CDKL5: variants seen among roughly 807,000 people sequenced by gnomAD.
The protein encoded by CDKL5 is cyclin dependent kinase like 5, also known as cyclin-dependent kinase-like 5.
CDKL5 carries 8 observed loss-of-function variants against 61.7 expected under a neutral mutation model. That is an observed-to-expected ratio of 0.13 (90% confidence interval 0.08 to 0.23). The LOEUF (loss-of-function observed/expected upper bound fraction) is 0.23, where lower values mean the gene tolerates loss of function less well. Ranked by LOEUF, CDKL5 falls within the 10% of genes least tolerant of loss-of-function variation. CDKL5 has a pLI of 1.00. For synonymous variants in CDKL5, 275 were observed against 272.3 expected (o/e 1.01, Z -0.10); for missense variants, 440 against 734.5 (o/e 0.60, Z 4.63).
chrX:18,651,647 G>C (rs3788810), intron 21 of CDKL5, among the ~76,000 whole-genome samples: 1 of 111,305 alleles, frequency 9.0e-6, no homozygotes. Flanking sequence ...GCAAGCTCGT[G>C]GGGGGTTCAT....
At chrX:18,465,103 G>GT (rs1476895790) in intron 1 of CDKL5, among the ~76,000 whole-genome samples, 1 of 111,230 alleles carries the variant, frequency 9.0e-6, no homozygotes, top group Non-Finnish European at 1.9e-5. Context: ...TTTATGTATG[G>GT]TGTAAGTTGG....
At chrX:18,574,474 G>A (rs1489092917) in intron 4 of CDKL5, among the ~76,000 whole-genome samples, 2 of 111,231 alleles carry the variant, frequency 1.8e-5, no homozygotes, top group African/African-American at 3.3e-5. Flanking sequence ...TGGTAGTTAG[G>A]ATTTCCCGGG....
At chrX:18,641,906 G>T, downstream of CDKL5, 6 of 982,281 alleles carry the variant, frequency 6.1e-6, no homozygotes, top group Non-Finnish European at 8.6e-6. Flanking sequence ...ATTGCTTTGC[G>T]AAATATAGCC....
chrX:18,612,653 TAA>T (rs745865761), intron 14 of CDKL5, among the ~76,000 whole-genome samples: 9 of 91,680 alleles, frequency 9.8e-5, no homozygotes, highest in Admixed American at 1.2e-4. Flanking sequence ...GTCTCTTATT[TAA>T]AAAAAAAAAA....
In CDKL5 at chrX:18,604,218, A is replaced by G. The variant is rs1166724689; in HGVS notation, c.1294A>G (p.Lys432Glu). 8.3e-7 allele frequency: 1 copy of G among 1,211,750 alleles called. No individual in the cohort carries two copies. The highest frequency in any genetic ancestry group is 1.1e-6 in the Non-Finnish European group (1 of 895,312). The change falls in exon 12 of 18, where the codon AAG (lysine) becomes GAG (glutamate). Residue 432 changes from lysine to glutamate, a missense_variant. Physicochemically the swap from Lys to Glu is moderately conservative, Grantham distance 56 (BLOSUM62 1). Transcript: ENST00000623535. ...DPKPSEGPGT[K>E]YLKSNSRSQQ... ...AAAGCCTTCAGAAGGCCCAGGGACAAAGTACCTCAAGTCAAACAGCAGATC... is the reference window on the plus strand; with the variant it reads ...AAAGCCTTCAGAAGGCCCAGGGACAGAGTACCTCAAGTCAAACAGCAGATC...
intron 12 of CDKL5, 64 bp from the exon 13 acceptor site, chrX:18,608,747 C>A: frequency 1.4e-6 from 1 of 724,594 alleles, no homozygotes; most frequent in Non-Finnish European, 2.2e-6. Context: ...CAAATAAAGG[C>A]CATGATGAGT....
intron 1 of CDKL5, among the ~76,000 whole-genome samples, chrX:18,501,644 G>A (rs920693636): frequency 9.0e-6 from 1 of 111,313 alleles, no homozygotes; most frequent in African/African-American, 3.3e-5. Context: ...TGCCTTCCGG[G>A]TTCAAGCAAT....
chrX:18,478,772 G>A (rs1270630983), intron 1 of CDKL5, among the ~76,000 whole-genome samples: 4 of 105,182 alleles, frequency 3.8e-5, no homozygotes, highest in Non-Finnish European at 7.8e-5. Context: ...GTGCAGTGGT[G>A]TCATCTTGGC....
chrX:18,600,180 T>A (rs1029789033), intron 11 of CDKL5, among the ~76,000 whole-genome samples: 24 of 112,283 alleles, frequency 2.1e-4, no homozygotes, highest in African/African-American at 7.8e-4. Flanking sequence ...CATAAACTGA[T>A]GATGACCATT....
intron 1 of CDKL5, among the ~76,000 whole-genome samples, chrX:18,473,772 C>T (rs973407178): frequency 9.5e-6 from 1 of 105,250 alleles, no homozygotes; most frequent in African/African-American, 3.5e-5. Flanking sequence ...AGTGCAGTGG[C>T]GCCGATTTCG....
At chrX:18,650,995 G>A (rs778903243) in intron 21 of CDKL5, among the ~76,000 whole-genome samples, 2 of 111,891 alleles carry the variant, frequency 1.8e-5, no homozygotes, top group South Asian at 7.6e-4. Flanking sequence ...CATTGGTGGA[G>A]GTGAATTTGT....
intron 20 of CDKL5, among the ~76,000 whole-genome samples, chrX:18,649,411 T>A (rs1311340801): frequency 9.0e-6 from 1 of 111,324 alleles, no homozygotes; most frequent in Non-Finnish European, 1.9e-5. Context: ...CATAGTATTT[T>A]CTCCAGAATT....
intron 15 of CDKL5, among the ~76,000 whole-genome samples, chrX:18,619,456 C>T (rs1202553768): frequency 9.0e-6 from 1 of 111,398 alleles, no homozygotes; most frequent in Non-Finnish European, 1.9e-5. Flanking sequence ...TAATAATAAA[C>T]TTGTCGAGCT....
intron 9 of CDKL5, among the ~76,000 whole-genome samples, chrX:18,594,042 A>G (rs1027369588): frequency 8.0e-5 from 9 of 112,311 alleles, no homozygotes; most frequent in Non-Finnish European, 1.1e-4. Context: ...TCTTACCTGT[A>G]TTTTTTGTCT....
chrX:18,543,428 C>T (rs923469476), intron 3 of CDKL5, among the ~76,000 whole-genome samples: 4 of 110,076 alleles, frequency 3.6e-5, no homozygotes, highest in African/African-American at 6.6e-5. Flanking sequence ...TGCAGTGTGC[C>T]ATCTTCTTTC....
intron 10 of CDKL5, among the ~76,000 whole-genome samples, chrX:18,598,004 T>C (rs1926059856): frequency 9.0e-6 from 1 of 111,358 alleles, no homozygotes; most frequent in African/African-American, 3.3e-5. Flanking sequence ...GAGATATGTA[T>C]AGGGAATATC....
chrX:18,647,893 G>T (rs1927852698), intron 20 of CDKL5, among the ~76,000 whole-genome samples: 1 of 106,821 alleles, frequency 9.4e-6, no homozygotes, highest in Non-Finnish European at 1.9e-5. Context: ...CCAGTCTAAT[G>T]AAAAAAAAAA....
At chrX:18,460,677 T>C (rs1281728658) in intron 1 of CDKL5, among the ~76,000 whole-genome samples, 3 of 110,492 alleles carry the variant, frequency 2.7e-5, no homozygotes, top group African/African-American at 9.9e-5. Flanking sequence ...AATTTTGTAT[T>C]TTTTGTAGAA....
downstream of CDKL5, chrX:18,644,563 A>T: frequency 8.3e-7 from 1 of 1,211,008 alleles, no homozygotes; most frequent in Non-Finnish European, 1.1e-6. Flanking sequence ...AATCACTTTG[A>T]TCTCCTTCAG....
Sources: gnomAD v4.1 joint callset for allele counts (sites outside exome capture counted in the v4.1 genomes callset) on GRCh38, gnomAD v4.1.1 for gene constraint, MANE v1.5 for transcripts, NCBI Gene and HGNC (gene_info 2026-07-23, HGNC 2026-07-21) for gene names.